The following DYNC2H1 variants were observed in gnomAD, a reference collection of about 807,000 sequenced individuals.
The protein encoded by DYNC2H1 is cytoplasmic dynein 2 heavy chain 1.
A neutral mutation model predicts 570.0 loss-of-function variants in DYNC2H1; 410 were observed. The ratio of observed to expected loss-of-function variants is 0.72; its 90% confidence interval spans 0.66 to 0.78. The LOEUF (loss-of-function observed/expected upper bound fraction) is 0.78. Ranked by LOEUF, DYNC2H1 falls within the 30% of genes least tolerant of loss-of-function variation. The pLI is 0.00. For synonymous variants in DYNC2H1, 1,688 were observed against 1,677.6 expected, an observed-to-expected ratio of 1.01 and a Z score of -0.15; for missense variants, 4,865 against 5,046.4, an observed-to-expected ratio of 0.96 and a Z score of 1.09.
chr11:103,391,943 C>G (rs1942171453), intron 83 of DYNC2H1, among the ~76,000 whole-genome samples: 1 of 152,184 alleles, frequency 6.6e-6, no homozygotes, highest in Non-Finnish European at 1.5e-5. Flanking sequence ...ACTCGGGGGT[C>G]AGGGACCCAC....
chr11:103,263,746 A>G (rs1160711628), intron 70 of DYNC2H1, among the ~76,000 whole-genome samples: 1 of 152,080 alleles, frequency 6.6e-6, no homozygotes. Context: ...CTAAATGCCA[A>G]CAGGAGAAAG....
intron 29 of DYNC2H1, 33 bp from the exon 30 acceptor site, chr11:103,162,995 C>A (rs920995073): frequency 1.9e-6 from 3 of 1,570,818 alleles, no homozygotes; most frequent in African/African-American, 2.7e-5. Flanking sequence ...TATTTTATGT[C>A]TTGTTTATAT....
rs575832723 is a variant in DYNC2H1, at chr11:103,189,076, C to T, written c.7292+428C>T. On this transcript the variant is annotated intron_variant, in intron 44 of 88. Coordinates refer to ENST00000375735, the MANE Select transcript of DYNC2H1 (RefSeq NM_001377.3). This position sits in a 1 kb window ranked among gnomAD's most constrained non-coding sequence, Gnocchi z 4.3. ...GTGGCATCAATGCTAATCATCTCCA[C>T]GGGCCATAATTACAGAGACTATGGC... Among the ~76,000 whole-genome samples, 10 of 152,062 alleles carry T rather than the reference C, an allele frequency of 6.6e-5. No individual in the cohort carries two copies. The highest frequency in any genetic ancestry group is 2.1e-4 in the South Asian group (1 of 4,810).
intron 75 of DYNC2H1, among the ~76,000 whole-genome samples, chr11:103,288,470 A>G (rs1866439260): frequency 6.6e-6 from 1 of 151,800 alleles, no homozygotes; most frequent in Non-Finnish European, 1.5e-5. Context: ...TATTGATAAT[A>G]GCCCTTTCCC....
intron 83 of DYNC2H1, among the ~76,000 whole-genome samples, chr11:103,382,094 A>T (rs1479352602): frequency 7.1e-6 from 1 of 140,314 alleles, no homozygotes; most frequent in Non-Finnish European, 1.6e-5. Context: ...TTTATTACGT[A>T]CCAGCTACCA....
chr11:103,464,237 A>G (rs1489013927), intron 87 of DYNC2H1, among the ~76,000 whole-genome samples: 1 of 152,230 alleles, frequency 6.6e-6, no homozygotes, highest in African/African-American at 2.4e-5. Flanking sequence ...GGGAAAGATA[A>G]TACAGTTATA....
intron 6 of DYNC2H1, among the ~76,000 whole-genome samples, chr11:103,119,265 A>G (rs1425144421): frequency 1.3e-5 from 2 of 152,014 alleles, no homozygotes; most frequent in South Asian, 2.1e-4. Flanking sequence ...ATTATACTCA[A>G]TTTGTTCAGT....
At chr11:103,208,320 A>G (rs1034843643) in intron 52 of DYNC2H1, among the ~76,000 whole-genome samples, 2 of 152,158 alleles carry the variant, frequency 1.3e-5, no homozygotes, top group African/African-American at 4.8e-5. Flanking sequence ...TGTGGAATGA[A>G]GAAATGATTG....
chr11:103,173,977 C>G (rs982347), intron 35 of DYNC2H1, 78 bp from the exon 36 acceptor site: 1 of 990,974 alleles, frequency 1.0e-6, no homozygotes, highest in African/African-American at 1.6e-5. Flanking sequence ...GTGTTATATT[C>G]TGTATTTCTT....
chr11:103,336,550 A>G (rs771302703), intron 82 of DYNC2H1, among the ~76,000 whole-genome samples: 6 of 152,070 alleles, frequency 3.9e-5, no homozygotes, highest in Non-Finnish European at 7.4e-5. Flanking sequence ...GAATGAGAAC[A>G]TGCAGTATTT....
rs777373640 is a variant in DYNC2H1 at position 103,129,973 on chromosome 11, G to A, written c.1953+968G>A. On this transcript the variant is annotated intron_variant, in intron 13 of 88. Coordinates refer to ENST00000375735, the MANE Select transcript of DYNC2H1 (RefSeq NM_001377.3). The surrounding 1 kb of genome is among the most constrained non-coding windows in gnomAD (Gnocchi z 4.1). ...CATACTCATAGCAGTATTTATTACG[G>A]TGAATGCATACAAAGCAAAATCAGC... Among the ~76,000 whole-genome samples, 2 of 152,164 alleles carry A rather than the reference G, an allele frequency of 1.3e-5. No homozygotes were observed. The highest frequency in any genetic ancestry group is 2.9e-5 in the Non-Finnish European group (2 of 68,024).
intron 87 of DYNC2H1, among the ~76,000 whole-genome samples, chr11:103,458,443 C>T (rs1439212016): frequency 6.6e-6 from 1 of 152,080 alleles, no homozygotes; most frequent in African/African-American, 2.4e-5. Context: ...TGATGTATGA[C>T]TGTATTCCAA....
At chr11:103,476,788 A>C (rs1945564206) in intron 88 of DYNC2H1, among the ~76,000 whole-genome samples, 2 of 152,134 alleles carry the variant, frequency 1.3e-5, no homozygotes, top group African/African-American at 2.4e-5. Flanking sequence ...GCAGGATTGG[A>C]AAAGATAATG....
chr11:103,455,964 G>A (rs1306341113), intron 86 of DYNC2H1, among the ~76,000 whole-genome samples: 1 of 152,004 alleles, frequency 6.6e-6, no homozygotes, highest in Non-Finnish European at 1.5e-5. Flanking sequence ...TCAAATTTCA[G>A]TTCAGCTAAT....
chr11:103,256,274 G>A lies in DYNC2H1; in HGVS notation c.10461+34G>A. 2 of 1,553,572 alleles carry A rather than the reference G, an allele frequency of 1.3e-6. No individual in the cohort carries two copies. The highest frequency in any genetic ancestry group is 1.7e-6 in the Non-Finnish European group (2 of 1,147,786). On this transcript the variant is annotated intron_variant, in intron 68 of 88. Transcript: ENST00000375735. This position sits in a 1 kb window ranked among gnomAD's most constrained non-coding sequence, Gnocchi z 4.0. ...TTCCTTCTTTGTAATTTCGTATTAT[G>A]TTTTCTTGAACATTTAGGTTAATAT...
chr11:103,174,034 A>G (rs1362197465), intron 35 of DYNC2H1, 21 bp from the exon 36 acceptor site: 9 of 1,532,226 alleles, frequency 5.9e-6, no homozygotes, highest in Non-Finnish European at 8.9e-7. Flanking sequence ...TGATGTGTTG[A>G]TTTCCATGTC....
chr11:103,466,236 T>G (rs557007650), intron 87 of DYNC2H1, among the ~76,000 whole-genome samples: 1 of 152,202 alleles, frequency 6.6e-6, no homozygotes, highest in South Asian at 2.1e-4. Context: ...GCTCACTCAT[T>G]TAGAAAATGA....
chr11:103,453,573 T>G (rs1944681240), intron 85 of DYNC2H1, among the ~76,000 whole-genome samples: 2 of 148,304 alleles, frequency 1.3e-5, no homozygotes, highest in South Asian at 4.2e-4. Flanking sequence ...ATTATATTAT[T>G]CAAACAAGTG....
In DYNC2H1 at chr11:103,109,662, C is replaced by T; in HGVS notation, c.88C>T (p.Gln30Ter). Reference sequence around the variant, plus strand: ...CGGGTTGATGTCTGAACTCTGGGATCAGCCACTGTTGTGCAACTGTCTTGA... The same window carrying T: ...CGGGTTGATGTCTGAACTCTGGGATTAGCCACTGTTGTGCAACTGTCTTGA... Reference protein sequence around the residue: ...YFGLMSELWDQPLLCNCLEIN... With the variant: ...YFGLMSELWD The change falls in exon 1 of 89, where the codon CAG becomes TAG. Residue 30 changes from glutamine to a stop codon, truncating the protein, a stop_gained. Coordinates refer to ENST00000375735, the MANE Select transcript of DYNC2H1 (RefSeq NM_001377.3). LOFTEE classifies it high-confidence loss of function. The T allele has an allele frequency of 6.2e-7, 1 of 1,614,002 alleles. No individual in the cohort carries two copies. The highest frequency in any genetic ancestry group is 8.5e-7 in the Non-Finnish European group (1 of 1,179,894).
Sources: allele counts gnomAD v4.1 joint callset (sites outside exome capture counted in the v4.1 genomes callset), GRCh38; gene constraint gnomAD v4.1.1; non-coding constraint Gnocchi (gnomAD v3.1); transcripts MANE v1.5; gene names NCBI Gene and HGNC (gene_info 2026-07-23, HGNC 2026-07-21).